The following P2RY8 variants were observed in gnomAD, a reference collection of about 807,000 sequenced individuals.
P2RY8 encodes P2Y receptor family member 8.
Under a neutral mutation model 10.0 loss-of-function variants are expected in P2RY8, and 6 were observed. The ratio of observed to expected loss-of-function variants is 0.60; its 90% CI spans 0.33 to 1.19. The LOEUF (loss-of-function observed/expected upper bound fraction) is 1.19. P2RY8 is among the 50% of genes most tolerant of loss of function. The probability of loss-of-function intolerance (pLI) is 0.04; values close to 1 mark genes in which losing one functional copy is unlikely to be tolerated. For synonymous variants in P2RY8, 276 were observed against 252.5 expected, an observed-to-expected ratio of 1.09 and a Z score of -0.88; for missense variants, 456 against 542.0, an observed-to-expected ratio of 0.84 and a Z score of 1.58.
In P2RY8 at chrX:1,497,238, A is replaced by AAG. The variant is rs1386645438; in HGVS notation, c.-24-30657_-24-30656insCT. ...CTCCGTCTCAAAAAAAAAAAAAAAG[A>AAG]AAAGAAAAAGAAAAAAAAGAAACTC... On this transcript the variant is annotated intron_variant, in intron 1 of 1. Coordinates refer to ENST00000381297, the MANE Select transcript of P2RY8 (RefSeq NM_178129.5). Among the ~76,000 whole-genome samples, 285 of 50,862 alleles carry AAG rather than the reference A, an allele frequency of 5.6e-3. 2 individuals are homozygous for AAG. The highest frequency in any genetic ancestry group is 0.011 in the African/African-American group (272 of 24,462). The allele number at this position is 50,862 out of a possible 152,430, so 33.4% of individuals were successfully genotyped here.
intron 1 of P2RY8, among the ~76,000 whole-genome samples, chrX:1,527,854 A>G (rs2092449418): frequency 6.6e-6 from 1 of 152,200 alleles, no homozygotes; most frequent in African/African-American, 2.4e-5. Flanking sequence ...TTATGCAGCC[A>G]TCCATTCAAC....
chrX:1,493,425 G>GAGGGAGGA (rs2092081478), intron 1 of P2RY8, among the ~76,000 whole-genome samples: 2 of 55,888 alleles, frequency 3.6e-5, no homozygotes, highest in Admixed American at 2.1e-4. Context: ...AAGGAGGAAG[G>GAGGGAGGA]AGGAGGGAGG....
chrX:1,473,836 G>A (rs1472281227), intron 1 of P2RY8, among the ~76,000 whole-genome samples: 5 of 135,574 alleles, frequency 3.7e-5, no homozygotes, highest in African/African-American at 1.1e-4. Flanking sequence ...GGGTGGATGG[G>A]TGGATGGATG....
At chrX:1,497,720 G>A (rs1477424658) in intron 1 of P2RY8, among the ~76,000 whole-genome samples, 4 of 152,044 alleles carry the variant, frequency 2.6e-5, no homozygotes, top group Admixed American at 1.3e-4. Flanking sequence ...TTGTTATTAC[G>A]CCTGGCATCT....
At position 1,514,855 on chromosome X, in the gene P2RY8, C is replaced by T. The variant is rs1282379166; in HGVS notation, c.-25+22066G>A. On this transcript the variant is annotated intron_variant, in intron 1 of 1. Coordinates refer to ENST00000381297, the MANE Select transcript of P2RY8 (RefSeq NM_178129.5). ...TTTCCTTCCCTTTCCCTTTCCCTCC[C>T]CCTCCCCCTCCCCTTCCCCTGTCTT... Among the ~76,000 whole-genome samples the T allele has an allele frequency of 3.7e-4, 12 of 32,428 alleles. 1 individual carries two copies. The highest frequency in any genetic ancestry group is 7.6e-4 in the Non-Finnish European group (10 of 13,104). The allele number at this position is 32,428 out of a possible 152,430, so 21.3% of individuals were successfully genotyped here.
chrX:1,514,896 TCCCCTCC>T, intron 1 of P2RY8, among the ~76,000 whole-genome samples: 1 of 21,466 alleles, frequency 4.7e-5, no homozygotes, highest in South Asian at 1.9e-3. Context: ...CCCCTCCCCT[TCCCCTCC>T]CCTCCCCTTC....
chrX:1,472,888 TTGG>T (rs2091811039), intron 1 of P2RY8, among the ~76,000 whole-genome samples: 1 of 122,974 alleles, frequency 8.1e-6, no homozygotes, highest in African/African-American at 3.2e-5. Context: ...GGTGGATGGG[TTGG>T]TGGATGGATG....
intron 1 of P2RY8, among the ~76,000 whole-genome samples, chrX:1,473,097 G>T (rs1307805181): frequency 5.4e-5 from 8 of 147,516 alleles, no homozygotes; most frequent in African/African-American, 2.0e-4. Context: ...GGAAGTGTGG[G>T]TGGATGAATT....
intron 1 of P2RY8, among the ~76,000 whole-genome samples, chrX:1,473,185 A>G (rs1297212657): frequency 4.6e-5 from 6 of 129,480 alleles, no homozygotes; most frequent in Admixed American, 7.6e-5. Flanking sequence ...GGATGGGTGG[A>G]TGGATGGGTG....
intron 1 of P2RY8, among the ~76,000 whole-genome samples, chrX:1,521,034 C>CTTTTTTTTT (rs1163534557): frequency 7.5e-4 from 46 of 61,042 alleles, no homozygotes; most frequent in African/African-American, 2.1e-3. Flanking sequence ...TTTTTCTTTT[C>CTTTTTTTTT]TTTTTTTTTT....
intron 1 of P2RY8, among the ~76,000 whole-genome samples, chrX:1,498,203 A>G (rs193160128): frequency 2.5e-3 from 372 of 151,788 alleles, no homozygotes; most frequent in African/African-American, 7.5e-3. Context: ...TCAGGAGATC[A>G]AGACCATCCT....
At chrX:1,482,403 T>C (rs1195778861) in intron 1 of P2RY8, among the ~76,000 whole-genome samples, 1 of 152,084 alleles carries the variant, frequency 6.6e-6, no homozygotes, top group Non-Finnish European at 1.5e-5. Flanking sequence ...CTGCCGTTAC[T>C]GAGCCACAGT....
chrX:1,501,429 A>C (rs1450574166), intron 1 of P2RY8, among the ~76,000 whole-genome samples: 9 of 152,022 alleles, frequency 5.9e-5, no homozygotes, highest in Admixed American at 2.6e-4. Flanking sequence ...GTGACATTAT[A>C]TAGCTCACTG....
intron 1 of P2RY8, among the ~76,000 whole-genome samples, chrX:1,500,025 AT>A (rs56354880): frequency 0.29 from 28,123 of 95,582 alleles, 10,319 homozygotes; most frequent in East Asian, 0.59. Context: ...TGCCCAGCTA[AT>A]TTTTTGTATT....
chrX:1,491,872 AATGAATGAATGC>A (rs1163426655), intron 1 of P2RY8, among the ~76,000 whole-genome samples: 39 of 152,244 alleles, frequency 2.6e-4, no homozygotes, highest in East Asian at 5.8e-4. Flanking sequence ...CAAATGAGTA[AATGAATGAATGC>A]ATGAATGAAT....
chrX:1,506,504 G>A (rs1230204240), intron 1 of P2RY8, among the ~76,000 whole-genome samples: 5 of 152,082 alleles, frequency 3.3e-5, no homozygotes, highest in African/African-American at 4.8e-5. Context: ...TCAGCCCTGA[G>A]CTGGGGGTAT....
intron 1 of P2RY8, among the ~76,000 whole-genome samples, chrX:1,532,319 CACACGT>C (rs1293219614): frequency 3.7e-5 from 1 of 26,750 alleles, no homozygotes; most frequent in Non-Finnish European, 1.8e-4. Context: ...TATATATACA[CACACGT>C]ATATATACAC....
In P2RY8 at chrX:1,464,296, G is replaced by A. The variant is rs1201511250; in HGVS notation, c.*1183C>T. On this transcript the variant is annotated 3_prime_UTR_variant, in exon 2 of 2. Coordinates refer to ENST00000381297, the MANE Select transcript of P2RY8 (RefSeq NM_178129.5). ...TAAACCAGCTCAGGTGTTGGGGCTGGTGCAGGCACATGCCGTGTAGAAGAA... is the reference window on the plus strand; with the variant it reads ...TAAACCAGCTCAGGTGTTGGGGCTGATGCAGGCACATGCCGTGTAGAAGAA... The A allele has an allele frequency of 4.3e-6, 1 of 233,316 alleles. No homozygotes were observed. Among genetic ancestry groups the A allele is most frequent in the African/African-American group, 2.2e-5 (1 of 45,362 alleles). The allele number at this position is 233,316 out of a possible 1,614,324, so 14.5% of individuals were successfully genotyped here. A position where few individuals can be genotyped will look rare whatever the true frequency, so the allele number is the denominator to read the frequency against.
intron 1 of P2RY8, among the ~76,000 whole-genome samples, chrX:1,529,629 C>T (rs1443244594): frequency 5.3e-5 from 8 of 152,032 alleles, no homozygotes; most frequent in African/African-American, 1.9e-4. Context: ...GACACCCTGC[C>T]TGAGCATGAG....
Sources: gnomAD v4.1 joint callset for allele counts (sites outside exome capture counted in the v4.1 genomes callset) on GRCh38, gnomAD v4.1.1 for gene constraint, MANE v1.5 for transcripts, NCBI Gene and HGNC (gene_info 2026-07-23, HGNC 2026-07-21) for gene names.